WWOX: variants seen among roughly 807,000 people sequenced by gnomAD.
WWOX encodes the protein WW domain containing oxidoreductase.
WWOX carries 69 observed loss-of-function variants against 46.2 expected under a neutral mutation model. The ratio of observed to expected loss-of-function variants is 1.49; its 90% CI spans 1.23 to 1.82. WWOX has a LOEUF of 1.82. WWOX is among the 40% of genes most tolerant of loss of function. WWOX has a pLI of 0.00. For missense variants in WWOX, 919 were observed against 542.6 expected, an observed-to-expected ratio of 1.69 and a Z score of -6.89; for synonymous variants, 359 against 202.6, an observed-to-expected ratio of 1.77 and a Z score of -6.56.
At chr16:78,516,774 C>T (rs915333512) in intron 8 of WWOX, among the ~76,000 whole-genome samples, 1 of 152,090 alleles carries the variant, frequency 6.6e-6, no homozygotes, top group African/African-American at 2.4e-5. Flanking sequence ...TTAAATAATT[C>T]AAAAATCCGT....
At chr16:78,678,849 T>C (rs998169446) in intron 8 of WWOX, among the ~76,000 whole-genome samples, 18 of 152,142 alleles carry the variant, frequency 1.2e-4, no homozygotes, top group Non-Finnish European at 2.2e-4. Flanking sequence ...AAAGAGTCCC[T>C]GTGCTTCCCA....
intron 8 of WWOX, among the ~76,000 whole-genome samples, chr16:78,449,270 TG>T (rs2083633576): frequency 6.6e-6 from 1 of 152,158 alleles, no homozygotes; most frequent in Non-Finnish European, 1.5e-5. Context: ...ATTGGTAAAA[TG>T]AAAGTCACAG....
intron 5 of WWOX, among the ~76,000 whole-genome samples, chr16:78,353,583 C>T (rs994262931): frequency 6.6e-6 from 1 of 152,180 alleles, no homozygotes; most frequent in Non-Finnish European, 1.5e-5. Flanking sequence ...TTGGTATTCA[C>T]CAAGGAATTT....
rs1289703194 is a variant in WWOX, at chr16:78,847,931, C to T, written c.1057-363677C>T. Among the ~76,000 whole-genome samples the T allele has an allele frequency of 2.0e-5, 3 of 152,136 alleles. No homozygotes were observed. In the South Asian group the frequency reaches 6.2e-4, roughly 32 times the overall value. Reference sequence around the variant, plus strand: ...GTTTCGTTGCTTACAACCCTGTGACCACTGCACGAACAACCCTGAGCTGAC... The same window carrying T: ...GTTTCGTTGCTTACAACCCTGTGACTACTGCACGAACAACCCTGAGCTGAC... On this transcript the variant is annotated intron_variant, in intron 8 of 8. Coordinates refer to ENST00000566780, the MANE Select transcript of WWOX (RefSeq NM_016373.4).
intron 8 of WWOX, among the ~76,000 whole-genome samples, chr16:79,010,913 G>A (rs1042214500): frequency 1.3e-5 from 2 of 152,090 alleles, no homozygotes; most frequent in Admixed American, 6.5e-5. Context: ...ATGTTGTGTG[G>A]GACCTCGGAG....
At chr16:78,163,064 A>T (rs941614315) in intron 4 of WWOX, among the ~76,000 whole-genome samples, 2 of 152,232 alleles carry the variant, frequency 1.3e-5, no homozygotes, top group Admixed American at 1.3e-4. Context: ...TAACTTGATT[A>T]GACAGATCTC....
intron 6 of WWOX, among the ~76,000 whole-genome samples, chr16:78,423,430 A>G (rs2082999468): frequency 6.6e-6 from 1 of 152,160 alleles, no homozygotes; most frequent in Non-Finnish European, 1.5e-5. Flanking sequence ...TTAGTTTGTC[A>G]CAAACACCGT....
At chr16:78,736,567 CTCTT>C (rs2049096939) in intron 8 of WWOX, among the ~76,000 whole-genome samples, 1 of 150,732 alleles carries the variant, frequency 6.6e-6, no homozygotes, top group African/African-American at 2.5e-5. Context: ...TTCTTCTCTT[CTCTT>C]TCTTTCTTGT....
intron 8 of WWOX, among the ~76,000 whole-genome samples, chr16:78,867,444 G>T (rs991952025): frequency 2.0e-5 from 3 of 151,898 alleles, no homozygotes; most frequent in African/African-American, 7.3e-5. Flanking sequence ...GTTTCCAATT[G>T]ACAGATGGGG....
At chr16:78,448,399 A>G (rs2083611175) in intron 8 of WWOX, among the ~76,000 whole-genome samples, 1 of 152,228 alleles carries the variant, frequency 6.6e-6, no homozygotes, top group Non-Finnish European at 1.5e-5. Flanking sequence ...TTTGTAGATT[A>G]GGAACCAGCC....
chr16:78,785,566 G>T (rs1272289112), intron 8 of WWOX, among the ~76,000 whole-genome samples: 1 of 151,890 alleles, frequency 6.6e-6, no homozygotes, highest in Non-Finnish European at 1.5e-5. Flanking sequence ...ATAAGAAGAA[G>T]AATAGTATAC....
At chr16:78,555,476 C>T (rs1333803626) in intron 8 of WWOX, among the ~76,000 whole-genome samples, 8 of 151,786 alleles carry the variant, frequency 5.3e-5, no homozygotes, top group Admixed American at 5.3e-4. Flanking sequence ...TCAGTGTATT[C>T]TTCTGACTAA....
rs192355337 is a variant in WWOX at position 78,793,455 on chromosome 16, T to G, written c.1056+360703T>G. Among the ~76,000 whole-genome samples, 284 of 152,298 alleles carry G rather than the reference T, an allele frequency of 1.9e-3. 1 individual carries two copies. The highest frequency in any genetic ancestry group is 3.1e-3 in the Non-Finnish European group (212 of 68,034). On this transcript the variant is annotated intron_variant, in intron 8 of 8. Coordinates refer to ENST00000566780, the MANE Select transcript of WWOX (RefSeq NM_016373.4). Reference sequence around the variant, plus strand: ...AATACAAATTGAACATTGACTTTCCTCATTTTTTATCCAGTTTTGCTTTCC... The same window carrying G: ...AATACAAATTGAACATTGACTTTCCGCATTTTTTATCCAGTTTTGCTTTCC...
chr16:78,455,713 A>T (rs1210058682), intron 8 of WWOX, among the ~76,000 whole-genome samples: 1 of 151,572 alleles, frequency 6.6e-6, no homozygotes, highest in African/African-American at 2.4e-5. Flanking sequence ...CAAAATTTAA[A>T]TCAAGACAAA....
chr16:78,302,916 C>T (rs2080066121), intron 5 of WWOX, among the ~76,000 whole-genome samples: 1 of 152,200 alleles, frequency 6.6e-6, no homozygotes, highest in Non-Finnish European at 1.5e-5. Flanking sequence ...GTGGACCTCA[C>T]TACTTTATCA....
At chr16:78,969,268 TC>T (rs140765273) in intron 8 of WWOX, among the ~76,000 whole-genome samples, 6 of 105,760 alleles carry the variant, frequency 5.7e-5, no homozygotes, top group East Asian at 6.8e-4. Flanking sequence ...TCTCTCTCTC[TC>T]TTTTTTTTTT....
chr16:79,146,882 A>C (rs2050191912), intron 8 of WWOX, among the ~76,000 whole-genome samples: 1 of 152,190 alleles, frequency 6.6e-6, no homozygotes, highest in Non-Finnish European at 1.5e-5. Context: ...TTGTACTTCT[A>C]CATGTGTCCC....
chr16:78,453,352 G>C (rs556140081), intron 8 of WWOX, among the ~76,000 whole-genome samples: 1 of 151,958 alleles, frequency 6.6e-6, no homozygotes, highest in Non-Finnish European at 1.5e-5. Context: ...GAACCCGAGA[G>C]GTGGAGGTGG....
intron 8 of WWOX, among the ~76,000 whole-genome samples, chr16:78,874,301 C>CCCT (rs1305036225): frequency 1.3e-5 from 2 of 150,466 alleles, no homozygotes; most frequent in Admixed American, 6.6e-5. Context: ...GGAAAGGAGG[C>CCCT]CCTGAGTTGG....
Sources: allele counts gnomAD v4.1 joint callset (sites outside exome capture counted in the v4.1 genomes callset), GRCh38; gene constraint gnomAD v4.1.1; transcripts MANE v1.5; gene names NCBI Gene and HGNC (gene_info 2026-07-23, HGNC 2026-07-21).